The following OPCML variants were observed in gnomAD, a reference collection of about 807,000 sequenced individuals.
OPCML encodes the protein opioid-binding protein/cell adhesion molecule.
In OPCML, 13 loss-of-function variants were observed where a neutral mutation model predicts 37.8. The observed-to-expected ratio is 0.34, with a 90% CI of 0.22 to 0.55. The LOEUF (loss-of-function observed/expected upper bound fraction) is 0.55, where lower values mean the gene tolerates loss of function less well. OPCML is among the 20% of genes least tolerant of loss of function. The probability of loss-of-function intolerance (pLI) is 0.91; values close to 1 mark genes in which losing one functional copy is unlikely to be tolerated. For missense variants in OPCML, 341 were observed against 435.6 expected (o/e 0.78, Z 1.93); for synonymous variants, 176 against 168.8 (o/e 1.04, Z -0.33).
chr11:133,259,176 G>A (rs1454404754), intron 1 of OPCML, among the ~76,000 whole-genome samples: 2 of 152,140 alleles, frequency 1.3e-5, no homozygotes, highest in African/African-American at 2.4e-5. Context: ...CTTGTTCACG[G>A]TTCCAGAGAC....
At chr11:132,940,919 T>A (rs1945554151) in intron 2 of OPCML, among the ~76,000 whole-genome samples, 1 of 152,002 alleles carries the variant, frequency 6.6e-6, no homozygotes, top group Non-Finnish European at 1.5e-5. Flanking sequence ...AGAATGAGGA[T>A]TTAAAGAGAT....
chr11:132,790,998 TCA>T (rs1231151053), intron 2 of OPCML, among the ~76,000 whole-genome samples: 1 of 152,194 alleles, frequency 6.6e-6, no homozygotes, highest in Non-Finnish European at 1.5e-5. Context: ...ATAAGTGATA[TCA>T]GTCATGTCTC....
At chr11:132,449,760 C>T (rs998565564) in intron 4 of OPCML, among the ~76,000 whole-genome samples, 2 of 152,194 alleles carry the variant, frequency 1.3e-5, no homozygotes, top group Non-Finnish European at 2.9e-5. Flanking sequence ...GACCCCTGAG[C>T]AGGCCACTTT....
At chr11:132,762,674 C>T (rs1234272040) in intron 2 of OPCML, among the ~76,000 whole-genome samples, 4 of 152,114 alleles carry the variant, frequency 2.6e-5, no homozygotes, top group Non-Finnish European at 4.4e-5. Context: ...CCACCAAGCT[C>T]GAGAGTCCTA....
At chr11:133,215,539 G>A (rs1939549301) in intron 1 of OPCML, among the ~76,000 whole-genome samples, 4 of 152,104 alleles carry the variant, frequency 2.6e-5, no homozygotes, top group South Asian at 4.1e-4. Flanking sequence ...GGTCCTCTGC[G>A]ACATGTTTTT....
chr11:132,969,741 A>G (rs1392526287), intron 1 of OPCML, among the ~76,000 whole-genome samples: 4 of 152,214 alleles, frequency 2.6e-5, no homozygotes, highest in Non-Finnish European at 5.9e-5. Context: ...TTTTTCAAAT[A>G]CAGAATTTAC....
intron 2 of OPCML, among the ~76,000 whole-genome samples, chr11:132,805,427 A>T (rs1448632732): frequency 1.3e-5 from 2 of 152,228 alleles, no homozygotes; most frequent in Non-Finnish European, 2.9e-5. Context: ...TTAAGAAACC[A>T]GACCAACCTA....
intron 1 of OPCML, among the ~76,000 whole-genome samples, chr11:133,293,139 C>A (rs1178591824): frequency 6.6e-6 from 1 of 152,094 alleles, no homozygotes; most frequent in Non-Finnish European, 1.5e-5. Context: ...GTTTTTAGAT[C>A]TGGGTAGAAT....
At chr11:133,059,009 G>C (rs1438837630) in intron 1 of OPCML, among the ~76,000 whole-genome samples, 1 of 152,164 alleles carries the variant, frequency 6.6e-6, no homozygotes, top group Non-Finnish European at 1.5e-5. Flanking sequence ...TCAGGCTTAT[G>C]GTAACTTTGC....
chr11:133,202,732 G>A (rs948152281), intron 1 of OPCML, among the ~76,000 whole-genome samples: 1 of 152,188 alleles, frequency 6.6e-6, no homozygotes, highest in Non-Finnish European at 1.5e-5. Context: ...TGGGAAACAG[G>A]CATCACTGAC....
chr11:133,099,519 C>T (rs1949056255), intron 1 of OPCML, among the ~76,000 whole-genome samples: 1 of 149,594 alleles, frequency 6.7e-6, no homozygotes, highest in African/African-American at 2.5e-5. Context: ...GATCTCCTGG[C>T]CTTGTGATTC....
chr11:132,771,061 G>T (rs1391740567), intron 2 of OPCML, among the ~76,000 whole-genome samples: 2 of 152,082 alleles, frequency 1.3e-5, no homozygotes, highest in Admixed American at 6.6e-5. Flanking sequence ...ATAATCCAAA[G>T]AATTAGATAG....
At chr11:132,589,103 C>T (rs963298956) in intron 3 of OPCML, among the ~76,000 whole-genome samples, 5 of 152,146 alleles carry the variant, frequency 3.3e-5, no homozygotes, top group Non-Finnish European at 5.9e-5. Flanking sequence ...TAACCTCCAT[C>T]AGTTATGAAA....
At chr11:132,662,011 G>A (rs545213284) in intron 2 of OPCML, among the ~76,000 whole-genome samples, 13 of 152,344 alleles carry the variant, frequency 8.5e-5, no homozygotes, top group African/African-American at 3.1e-4. Context: ...AGAAATGCCT[G>A]ACAGACATCA....
chr11:132,453,353 CA>C (rs2096073360), intron 4 of OPCML, among the ~76,000 whole-genome samples: 1 of 152,140 alleles, frequency 6.6e-6, no homozygotes, highest in Non-Finnish European at 1.5e-5. Flanking sequence ...AAACCTGCAC[CA>C]AAATGTAAAT....
intron 1 of OPCML, among the ~76,000 whole-genome samples, chr11:133,022,074 G>T (rs1947465805): frequency 6.6e-6 from 1 of 152,318 alleles, no homozygotes; most frequent in African/African-American, 2.4e-5. Context: ...GAAGAATCTG[G>T]GTTTCTACTT....
At position 133,026,345 on chromosome 11, in the gene OPCML, T is replaced by G. The variant is rs556257553; in HGVS notation, c.62-83335A>C. On this transcript the variant is annotated intron_variant, in intron 1 of 7. Transcript: ENST00000524381. ...CATTTGATAGTTTTCCTGAGACTTA[T>G]CCACGCGTAATACCCTGAAGGGTGG... 2.6e-5 allele frequency: 25 copies of G among 970,830 alleles called. No individual in the cohort carries two copies. The African/African-American group carries it at 4.4e-4, about 17-fold the overall frequency. 60.1% of individuals were successfully genotyped at this position (970,830 alleles called of 1,614,324 possible).
chr11:133,248,241 G>C (rs567118355), intron 1 of OPCML, among the ~76,000 whole-genome samples: 1 of 152,212 alleles, frequency 6.6e-6, no homozygotes, highest in Admixed American at 6.5e-5. Context: ...CAAAGAAAAT[G>C]GCCAAAGAAG....
chr11:132,550,672 G>T (rs1222841836), intron 3 of OPCML, among the ~76,000 whole-genome samples: 1 of 152,212 alleles, frequency 6.6e-6, no homozygotes, highest in Non-Finnish European at 1.5e-5. Flanking sequence ...CAGTCTGTTA[G>T]CAGGGAATCT....
Sources: gnomAD v4.1 joint callset for allele counts (sites outside exome capture counted in the v4.1 genomes callset) on GRCh38, gnomAD v4.1.1 for gene constraint, MANE v1.5 for transcripts, NCBI Gene and HGNC (gene_info 2026-07-23, HGNC 2026-07-21) for gene names.